CRTC1: variants seen among roughly 807,000 people sequenced by gnomAD.
CRTC1 encodes the protein CREB regulated transcription coactivator 1.
A neutral mutation model predicts 66.1 loss-of-function variants in CRTC1; 18 were observed. The observed-to-expected ratio is 0.27, with a 90% confidence interval of 0.19 to 0.40. The LOEUF (loss-of-function observed/expected upper bound fraction) is 0.40. Among genes scored for constraint, CRTC1 ranks in the 10% least tolerant of loss-of-function variants. The probability of loss-of-function intolerance (pLI) is 1.00; values close to 1 mark genes in which losing one functional copy is unlikely to be tolerated. For synonymous variants in CRTC1, 416 were observed against 398.8 expected (o/e 1.04, Z -0.51); for missense variants, 669 against 887.9 (o/e 0.75, Z 3.13).
chr19:18,712,146 T>C (rs1222365724), intron 1 of CRTC1, among the ~76,000 whole-genome samples: 1 of 152,126 alleles, frequency 6.6e-6, no homozygotes, highest in Non-Finnish European at 1.5e-5. Context: ...CTCACTATAT[T>C]GCCCAGGCTG....
rs1221535625 is a variant in CRTC1 at position 18,686,386 on chromosome 19, A to G, written c.126+2558A>G. Among the ~76,000 whole-genome samples the G allele has an allele frequency of 3.9e-5, 6 of 152,204 alleles. No homozygotes were observed. The East Asian group carries it at 1.2e-3, about 29-fold the overall frequency. ...TCTGAGGCCAAGTGCAGTGGCTCAC[A>G]CTTGTAATCCCAGCACTTTGGGAGG... On this transcript the variant is annotated intron_variant, in intron 1 of 13. Coordinates refer to ENST00000321949, the MANE Select transcript of CRTC1 (RefSeq NM_015321.3).
At chr19:18,688,495 G>A (rs2052744200) in intron 1 of CRTC1, among the ~76,000 whole-genome samples, 1 of 151,968 alleles carries the variant, frequency 6.6e-6, no homozygotes, top group Admixed American at 6.6e-5. Context: ...CTGGAGTGTG[G>A]TGGTGCGATC....
chr19:18,732,274 G>T (rs144769805), intron 1 of CRTC1, among the ~76,000 whole-genome samples: 18 of 152,200 alleles, frequency 1.2e-4, no homozygotes, highest in South Asian at 4.1e-4. Flanking sequence ...AGCCATAAAG[G>T]GGGGGTCCCG....
At chr19:18,759,760 C>T (rs555871739) in intron 7 of CRTC1, among the ~76,000 whole-genome samples, 169 bp downstream of exon 7, 1 of 152,132 alleles carries the variant, frequency 6.6e-6, no homozygotes, top group African/African-American at 2.4e-5. Flanking sequence ...GCACCTCATT[C>T]CCAGGGATGA....
chr19:18,716,251 A>G (rs2053504610), intron 1 of CRTC1, among the ~76,000 whole-genome samples: 1 of 150,306 alleles, frequency 6.7e-6, no homozygotes, highest in Non-Finnish European at 1.5e-5. Context: ...TGGCTCCCGA[A>G]TGACTCTTTT....
chr19:18,733,215 G>A (rs1279938857), intron 1 of CRTC1, among the ~76,000 whole-genome samples: 1 of 152,198 alleles, frequency 6.6e-6, no homozygotes, highest in Non-Finnish European at 1.5e-5. Context: ...GGGTACAGCT[G>A]TGTCTCCCTG....
At position 18,777,996 on chromosome 19, in the gene CRTC1, C is replaced by A; in HGVS notation, c.*614C>A. The A allele has an allele frequency of 4.2e-6, 1 of 237,486 alleles. No individual in the cohort carries two copies. Among genetic ancestry groups the A allele is most frequent in the Non-Finnish European group, 8.2e-6 (1 of 121,418 alleles). 14.7% of individuals were successfully genotyped at this position (237,486 alleles called of 1,614,324 possible). On this transcript the variant is annotated 3_prime_UTR_variant, in exon 14 of 14. Transcript: ENST00000321949. This position sits in a 1 kb window ranked among gnomAD's most constrained non-coding sequence, Gnocchi z 5.5. ...GCACACACAGAGCCCTGGCGTCCACCGGGGCAGGCGCAAAGTGGACAGAGC... is the reference window on the plus strand; with the variant it reads ...GCACACACAGAGCCCTGGCGTCCACAGGGGCAGGCGCAAAGTGGACAGAGC...
At chr19:18,724,282 AATTTC>A (rs1447625882) in intron 1 of CRTC1, among the ~76,000 whole-genome samples, 1 of 151,878 alleles carries the variant, frequency 6.6e-6, no homozygotes, top group Non-Finnish European at 1.5e-5. Flanking sequence ...GCTAGGAGTC[AATTTC>A]ATTTTCATCT....
At chr19:18,692,003 G>A (rs1038656386) in intron 1 of CRTC1, among the ~76,000 whole-genome samples, 6 of 151,998 alleles carry the variant, frequency 3.9e-5, no homozygotes, top group Admixed American at 1.3e-4. Context: ...GTGAGCCACC[G>A]CGCTCGGTCT....
At chr19:18,744,165 C>T (rs773149852) in intron 2 of CRTC1, 6 of 1,609,948 alleles carry the variant, frequency 3.7e-6, no homozygotes, top group African/African-American at 1.3e-5. Context: ...GGTAAATGAG[C>T]CCCCAGGCTG....
chr19:18,727,656 A>G (rs964616660), intron 1 of CRTC1, among the ~76,000 whole-genome samples: 4 of 151,668 alleles, frequency 2.6e-5, no homozygotes, highest in Non-Finnish European at 5.9e-5. Context: ...CGATCCGTCT[A>G]CAAGCCAAGA....
At chr19:18,759,623 G>A in intron 7 of CRTC1, 32 bp downstream of exon 7, 1 of 1,608,842 alleles carries the variant, frequency 6.2e-7, no homozygotes. Context: ...CCCGCACACT[G>A]CATCTGCTGC....
At position 18,760,611 on chromosome 19, in the gene CRTC1, C is replaced by T. The variant is rs1257035406; in HGVS notation, c.886+383C>T. On this transcript the variant is annotated intron_variant, in intron 8 of 13. Transcript: ENST00000321949. The surrounding 1 kb of genome is among the most constrained non-coding windows in gnomAD (Gnocchi z 6.2). ...CCAGGCCTGACCTGCTTCCTCCACC[C>T]GACATCTGACAGTGACCACCTACTT... Among the ~76,000 whole-genome samples the T allele has an allele frequency of 4.6e-5, 7 of 152,058 alleles. No homozygotes were observed. The highest frequency in any genetic ancestry group is 6.5e-5 in the Admixed American group (1 of 15,282).
rs922301418 is a variant in CRTC1, at chr19:18,777,723, G to A, written c.*341G>A. On this transcript the variant is annotated 3_prime_UTR_variant, in exon 14 of 14. Transcript: ENST00000321949. This position sits in a 1 kb window ranked among gnomAD's most constrained non-coding sequence, Gnocchi z 5.5. ...GATGCGGGAAGTGTCAGCTCCCGGC[G>A]TGGCGGGCAGGCTCAGGGGAGGGGC... 4 of 363,606 alleles carry A rather than the reference G, an allele frequency of 1.1e-5. No homozygotes were observed. Among genetic ancestry groups the A allele is most frequent in the Non-Finnish European group, 1.5e-5 (3 of 198,158 alleles). The allele number at this position is 363,606 out of a possible 1,614,324, so 22.5% of individuals were successfully genotyped here. A position where few individuals can be genotyped will look rare whatever the true frequency, so the allele number is the denominator to read the frequency against.
In CRTC1 at chr19:18,760,083, C is replaced by T. The variant is rs377678827; in HGVS notation, c.741C>T (p.Pro247=). The change falls in exon 8 of 14, where the codon CCC becomes CCT. Residue 247 remains proline, a synonymous_variant. Coordinates refer to ENST00000321949, the MANE Select transcript of CRTC1 (RefSeq NM_015321.3). The surrounding 1 kb of genome is among the most constrained non-coding windows in gnomAD (Gnocchi z 6.2). ...PATHNTGGSL[P]DLTNIHFPSP... ...CCCACAACACAGGGGGGTCCCTGCC[C>T]GACCTGACCAACATCCACTTCCCCT... The T allele has an allele frequency of 3.1e-6, 5 of 1,613,802 alleles. No individual in the cohort carries two copies. Among genetic ancestry groups the T allele is most frequent in the Non-Finnish European group, 3.4e-6 (4 of 1,179,818 alleles).
chr19:18,746,995 AGT>A (rs2054254499), intron 3 of CRTC1, 56 bp from the exon 4 acceptor site: 1 of 1,533,464 alleles, frequency 6.5e-7, no homozygotes, highest in African/African-American at 1.4e-5. Context: ...CTGGGCTGAG[AGT>A]GTGTTGTTGG....
intron 6 of CRTC1, among the ~76,000 whole-genome samples, chr19:18,756,202 A>C (rs1034263671): frequency 5.3e-5 from 8 of 151,966 alleles, no homozygotes; most frequent in Admixed American, 2.0e-4. Flanking sequence ...GTGTGGTGGC[A>C]CTTGCCTGTA....
chr19:18,756,334 CAAAAAA>C (rs56092227), intron 6 of CRTC1, among the ~76,000 whole-genome samples: 10 of 73,176 alleles, frequency 1.4e-4, no homozygotes, highest in Admixed American at 3.7e-4. Context: ...AACTCCATCT[CAAAAAA>C]AAAAAAAAAA....
At chr19:18,691,191 CAAAAAA>C (rs35591757) in intron 1 of CRTC1, among the ~76,000 whole-genome samples, 2 of 118,694 alleles carry the variant, frequency 1.7e-5, no homozygotes, top group African/African-American at 3.1e-5. Context: ...GATCCTGTCT[CAAAAAA>C]AAAAAAAAGA....
Sources: allele counts gnomAD v4.1 joint callset (sites outside exome capture counted in the v4.1 genomes callset), GRCh38; gene constraint gnomAD v4.1.1; non-coding constraint Gnocchi (gnomAD v3.1); transcripts MANE v1.5; gene names NCBI Gene and HGNC (gene_info 2026-07-23, HGNC 2026-07-21).